NUP210: variants seen among roughly 807,000 people sequenced by gnomAD.
NUP210 encodes nucleoporin 210, also known as nuclear pore membrane glycoprotein 210.
NUP210 carries 151 observed loss-of-function variants against 196.0 expected under a neutral mutation model. That is an observed-to-expected ratio of 0.77 (90% CI 0.67 to 0.88). The LOEUF (loss-of-function observed/expected upper bound fraction) is 0.88. NUP210 is among the 40% of genes least tolerant of loss of function. The pLI, the probability that NUP210 is intolerant of heterozygous loss-of-function variation, is 0.00. For synonymous variants in NUP210, 1,070 were observed against 1,052.7 expected, an observed-to-expected ratio of 1.02 and a Z score of -0.32; for missense variants, 2,314 against 2,493.7, an observed-to-expected ratio of 0.93 and a Z score of 1.53.
intron 28 of NUP210, among the ~76,000 whole-genome samples, chr3:13,333,954 G>C (rs994733386): frequency 1.3e-5 from 2 of 152,208 alleles, no homozygotes; most frequent in Non-Finnish European, 2.9e-5. Flanking sequence ...AGAAAACAGG[G>C]AGTGGCGGGG....
rs1345567355 is a variant in NUP210 at position 13,371,861 on chromosome 3, T to C, written c.1759A>G (p.Asn587Asp). 14 of 1,609,336 alleles carry C rather than the reference T, an allele frequency of 8.7e-6. No individual in the cohort carries two copies. Among genetic ancestry groups the C allele is most frequent in the Non-Finnish European group, 1.2e-5 (14 of 1,178,514 alleles). Residue 587 changes from asparagine to aspartate, a missense_variant, in exon 13 of 40, where the codon AAC (asparagine) becomes GAC (aspartate). Asn to Asp is a conservative substitution (Grantham distance 23). Transcript: ENST00000254508. ...GGGAGTGGCTGGAACACACCCTGGT[T>C]CTCCACCTCGACAGCCAAGTCAAAG... ...SHFDLAVEVENQGVFQPLPGR... is the reference protein window; with the variant it reads ...SHFDLAVEVEDQGVFQPLPGR...
intron 36 of NUP210, among the ~76,000 whole-genome samples, chr3:13,321,054 G>A (rs745745390): frequency 9.9e-5 from 15 of 152,268 alleles, no homozygotes; most frequent in African/African-American, 1.9e-4. Context: ...CACGCTGGCT[G>A]CAGCAAGGCA....
chr3:13,379,480 C>A lies in NUP210; in HGVS notation c.976+83G>T. ...GGGAAACGGCTATTTTTAGCCCTGC[C>A]GAGCTTTCAGGGAAAAAAAGACTTG... On this transcript the variant is annotated intron_variant, in intron 7 of 39. Coordinates refer to ENST00000254508, the MANE Select transcript of NUP210 (RefSeq NM_024923.4). This position sits in a 1 kb window ranked among gnomAD's most constrained non-coding sequence, Gnocchi z 4.2. 1 of 1,552,018 alleles carries A rather than the reference C, an allele frequency of 6.4e-7. No individual in the cohort carries two copies. The highest frequency in any genetic ancestry group is 1.1e-5 in the South Asian group (1 of 88,692).
At chr3:13,324,601 C>T (rs1441970874) in intron 33 of NUP210, among the ~76,000 whole-genome samples, 1 of 152,304 alleles carries the variant, frequency 6.6e-6, no homozygotes, top group East Asian at 1.9e-4. Context: ...ATGTGCCTCC[C>T]TCCCTCCCGT....
intron 13 of NUP210, 74 bp downstream of exon 13, chr3:13,371,760 C>G: frequency 7.3e-7 from 1 of 1,362,280 alleles, no homozygotes; most frequent in South Asian, 1.3e-5. Context: ...GGGAATCTGG[C>G]GGTCCATGCT....
At position 13,335,532 on chromosome 3, in the gene NUP210, C is replaced by T. The variant is rs1269216102; in HGVS notation, c.3765G>A (p.Val1255=). 3 of 1,614,102 alleles carry T rather than the reference C, an allele frequency of 1.9e-6. No individual in the cohort carries two copies. Among genetic ancestry groups the T allele is most frequent in the East Asian group, 4.5e-5 (2 of 44,888 alleles). The part of the protein sequence containing the change: ...GRVKGRTGLR[V]VVKAVDPTSG... ...ATGTGGGGTCCACAGCCTTGACCAC[C>T]ACCCTCAGCCCGGTCCGGCCTTTTA... is the stretch of plus-strand genomic sequence containing the variant. Residue 1255 remains valine (V), a synonymous_variant, in exon 28 of 40, where the codon GTG becomes GTA. Coordinates refer to ENST00000254508, the MANE Select transcript of NUP210 (RefSeq NM_024923.4).
At chr3:13,414,629 G>A (rs559508769) in intron 1 of NUP210, among the ~76,000 whole-genome samples, 13 of 151,650 alleles carry the variant, frequency 8.6e-5, no homozygotes, top group Admixed American at 1.3e-4. Context: ...CTGGCCAAAC[G>A]TGCTGCCTTT....
chr3:13,344,787 A>G (rs1292896192), intron 20 of NUP210: 1 of 254,416 alleles, frequency 3.9e-6, no homozygotes, highest in Non-Finnish European at 6.2e-6. Flanking sequence ...CCACTCATAC[A>G]GACAGCTTGC....
Position 13,379,704 on chromosome 3 carries a change from C to T in NUP210, c.835G>A (p.Asp279Asn). 2.5e-6 allele frequency: 4 copies of T among 1,599,856 alleles called. No homozygotes were observed. Among genetic ancestry groups the T allele is most frequent in the South Asian group, 1.1e-5 (1 of 89,774 alleles). Residue 279 changes from aspartate (D) to asparagine (N), a missense_variant, in exon 7 of 40, where the codon GAT (aspartate) becomes AAT (asparagine). Asp to Asn is a conservative substitution (Grantham distance 23, BLOSUM62 1). Coordinates refer to ENST00000254508, the MANE Select transcript of NUP210 (RefSeq NM_024923.4). This position sits in a 1 kb window ranked among gnomAD's most constrained non-coding sequence, Gnocchi z 4.2. ...TTCTGAAGCTGCAACTCGTACTGAT[C>T]GGAAGGCATGGAGAGTTCTGGCCAC... is the stretch of plus-strand genomic sequence containing the variant. Reference protein sequence around the residue: ...GKITELSMPSDQYELQLQNSI... With the variant: ...GKITELSMPSNQYELQLQNSI...
intron 6 of NUP210, 141 bp downstream of exon 6, chr3:13,386,134 C>A (rs1699264550): frequency 1.2e-6 from 1 of 858,250 alleles, no homozygotes; most frequent in Non-Finnish European, 1.8e-6. Context: ...GTGATGGCTG[C>A]AGAAGAGTGT....
chr3:13,380,169 A>T lies in NUP210; in HGVS notation c.818-448T>A, dbSNP rs139757618. On this transcript the variant is annotated intron_variant, in intron 6 of 39. Transcript: ENST00000254508. ...ATTGCCAACAATGAACCCTGCTGCC[A>T]TCCTCACCAGCTTCAGTGTTCCCCT... Among the ~76,000 whole-genome samples, 1,317 of 152,300 alleles carry T rather than the reference A, an allele frequency of 8.6e-3. 8 individuals are homozygous for T. The highest frequency in any genetic ancestry group is 0.013 in the Non-Finnish European group (886 of 68,024).
At position 13,347,268 on chromosome 3, in the gene NUP210, A is replaced by C. The variant is rs1217165230; in HGVS notation, c.2836-3965T>G. ...TTAACACAGCACCTGGCACACGATAAGCACTCCAGCGTCTCTGAGTGCACG... is the reference window on the plus strand; with the variant it reads ...TTAACACAGCACCTGGCACACGATACGCACTCCAGCGTCTCTGAGTGCACG... On this transcript the variant is annotated intron_variant, in intron 20 of 39. Coordinates refer to ENST00000254508, the MANE Select transcript of NUP210 (RefSeq NM_024923.4). The surrounding 1 kb of genome is among the most constrained non-coding windows in gnomAD (Gnocchi z 4.7). The C allele has an allele frequency of 3.0e-6, 3 of 985,160 alleles. No individual in the cohort carries two copies. The highest frequency in any genetic ancestry group is 3.6e-6 in the Non-Finnish European group (3 of 829,802). 61.0% of individuals were successfully genotyped at this position (985,160 alleles called of 1,614,324 possible). A position where few individuals can be genotyped will look rare whatever the true frequency, so the allele number is the denominator to read the frequency against.
At chr3:13,397,221 G>T in intron 3 of NUP210, 136 bp downstream of exon 3, 1 of 1,066,710 alleles carries the variant, frequency 9.4e-7, no homozygotes, top group Non-Finnish European at 1.3e-6. Flanking sequence ...AACTTCACCT[G>T]CCTGACCAGA....
chr3:13,360,177 CG>C, intron 15 of NUP210, 92 bp downstream of exon 15: 2 of 1,050,256 alleles, frequency 1.9e-6, no homozygotes, highest in Non-Finnish European at 1.4e-6. Context: ...TGTCTCTCAG[CG>C]TTACTCCAAG....
chr3:13,381,353 C>T (rs1699091304), intron 6 of NUP210, among the ~76,000 whole-genome samples: 1 of 151,934 alleles, frequency 6.6e-6, no homozygotes, highest in South Asian at 2.1e-4. Context: ...AATTCTAAGA[C>T]TGAAAATAAG....
At chr3:13,383,960 C>T (rs962013167) in intron 6 of NUP210, among the ~76,000 whole-genome samples, 2 of 151,838 alleles carry the variant, frequency 1.3e-5, no homozygotes, top group Non-Finnish European at 2.9e-5. Flanking sequence ...GACTGTAAGG[C>T]CCTGTTTTTG....
chr3:13,326,040 C>G (rs539937450), intron 32 of NUP210, 109 bp from the exon 33 acceptor site: 11 of 1,405,274 alleles, frequency 7.8e-6, no homozygotes, highest in East Asian at 2.3e-5. Context: ...CCGCTACCCC[C>G]ATGGGGGCTC....
intron 1 of NUP210, among the ~76,000 whole-genome samples, chr3:13,405,932 C>T (rs548946187): frequency 6.6e-6 from 1 of 152,274 alleles, no homozygotes; most frequent in African/African-American, 2.4e-5. Flanking sequence ...TTAACAGACT[C>T]ATTATGCATT....
intron 1 of NUP210, among the ~76,000 whole-genome samples, chr3:13,409,224 C>T (rs2124959705): frequency 6.6e-6 from 1 of 152,364 alleles, no homozygotes; most frequent in East Asian, 1.9e-4. Flanking sequence ...CTGCTATGGT[C>T]TGAATGTCTG....
Sources: allele counts gnomAD v4.1 joint callset (sites outside exome capture counted in the v4.1 genomes callset), GRCh38; gene constraint gnomAD v4.1.1; non-coding constraint Gnocchi (gnomAD v3.1); transcripts MANE v1.5; gene names NCBI Gene and HGNC (gene_info 2026-07-23, HGNC 2026-07-21).